The following HIC1 variants were observed in gnomAD, a reference collection of about 807,000 sequenced individuals.
The protein encoded by HIC1 is hypermethylated in cancer 1 protein.
HIC1 carries 9 observed loss-of-function variants against 26.4 expected under a neutral mutation model. The ratio of observed to expected loss-of-function variants is 0.34; its 90% CI spans 0.21 to 0.59. HIC1 has a LOEUF of 0.59. HIC1 is among the 20% of genes least tolerant of loss of function. The probability of loss-of-function intolerance (pLI) is 0.82; values close to 1 mark genes in which losing one functional copy is unlikely to be tolerated. For missense variants in HIC1, 965 were observed against 1,075.7 expected, an observed-to-expected ratio of 0.90 and a Z score of 1.44; for synonymous variants, 631 against 523.1, an observed-to-expected ratio of 1.21 and a Z score of -2.81.
Position 2,061,436 on chromosome 17 carries a change from C to T in HIC1, c.*2601C>T, listed in dbSNP as rs550810571. ...TGGGCATCTTCCGTGCTACACTGGG[C>T]GCCTGGTGGCCTTTCAGGAACGGTT... On this transcript the variant is annotated 3_prime_UTR_variant, in exon 2 of 2. Coordinates refer to ENST00000619757, the MANE Select transcript of HIC1 (RefSeq NM_006497.4). 3.0e-3 allele frequency: 4,544 copies of T among 1,516,544 alleles called. 12 individuals are homozygous for T. Among genetic ancestry groups the T allele is most frequent in the Non-Finnish European group, 3.6e-3 (4,113 of 1,130,274 alleles). 93.9% of individuals were successfully genotyped at this position (1,516,544 alleles called of 1,614,324 possible). A position where few individuals can be genotyped will look rare whatever the true frequency, so the allele number is the denominator to read the frequency against.
In HIC1 at chr17:2,061,570, G is replaced by A; in HGVS notation, c.*2735G>A. 1 of 1,573,042 alleles carries A rather than the reference G, an allele frequency of 6.4e-7. No homozygotes were observed. Among genetic ancestry groups the A allele is most frequent in the Non-Finnish European group, 8.6e-7 (1 of 1,158,882 alleles). On this transcript the variant is annotated 3_prime_UTR_variant, in exon 2 of 2. Coordinates refer to ENST00000619757, the MANE Select transcript of HIC1 (RefSeq NM_006497.4). ...TCCTTGTGAGCGCCTTCACACGCAG[G>A]TTCCGGTCATCCGTCAACAGCACCA...
rs867280691 is a variant in HIC1, at chr17:2,061,566, G to A, written c.*2731G>A. Reference sequence around the variant, plus strand: ...ACATTCCTTGTGAGCGCCTTCACACGCAGGTTCCGGTCATCCGTCAACAGC... The same window carrying A: ...ACATTCCTTGTGAGCGCCTTCACACACAGGTTCCGGTCATCCGTCAACAGC... On this transcript the variant is annotated 3_prime_UTR_variant, in exon 2 of 2. Transcript: ENST00000619757. The A allele has an allele frequency of 1.7e-5, 26 of 1,572,300 alleles. No individual in the cohort carries two copies. Among genetic ancestry groups the A allele is most frequent in the South Asian group, 4.7e-5 (4 of 85,804 alleles).
chr17:2,056,642 T>TG, intron 1 of HIC1, 29 bp from the exon 2 acceptor site: 1 of 1,507,546 alleles, frequency 6.6e-7, no homozygotes. Flanking sequence ...GCCGCACGGC[T>TG]CTCACCCGGC....
rs559570195 is a variant in HIC1 at position 2,060,449 on chromosome 17, C to T, written c.*1614C>T. On this transcript the variant is annotated 3_prime_UTR_variant, in exon 2 of 2. Coordinates refer to ENST00000619757, the MANE Select transcript of HIC1 (RefSeq NM_006497.4). Reference sequence around the variant, plus strand: ...TGGAAGTTTCTCCCAGCACAGGAGCCGAGGGTGGAAGGCCCTGGGTGGGAG... The same window carrying T: ...TGGAAGTTTCTCCCAGCACAGGAGCTGAGGGTGGAAGGCCCTGGGTGGGAG... 5.9e-5 allele frequency: 9 copies of T among 152,362 alleles called. No individual in the cohort carries two copies. The highest frequency in any genetic ancestry group is 2.1e-4 in the South Asian group (1 of 4,828). The allele number at this position is 152,362 out of a possible 1,614,324, so 9.4% of individuals were successfully genotyped here. A position where few individuals can be genotyped will look rare whatever the true frequency, so the allele number is the denominator to read the frequency against.
Position 2,057,906 on chromosome 17 carries a change from G to A in HIC1, c.1216G>A (p.Ala406Thr), listed in dbSNP as rs1379359210. The A allele has an allele frequency of 6.2e-7, 1 of 1,607,172 alleles. No homozygotes were observed. The highest frequency in any genetic ancestry group is 1.7e-5 in the Admixed American group (1 of 59,406). ...CGAGGGCTACCCATGCCCGCACCTG[G>A]CCTATGGCGAGCCCGAGAGCTTCGG... is the stretch of plus-strand genomic sequence containing the variant. ...HLEGYPCPHLAYGEPESFGDN... is the reference protein window; with the variant it reads ...HLEGYPCPHLTYGEPESFGDN... Residue 406 changes from alanine to threonine, a missense_variant, in exon 2 of 2, where the codon GCC becomes ACC. Ala to Thr is a moderately conservative substitution (Grantham distance 58). Around this residue, in one of 6 missense-constraint regions of HIC1, gnomAD observed 526 missense variants for 525.0 expected, o/e 1.00. Transcript: ENST00000619757.
Position 2,058,704 on chromosome 17 carries a change from C to A in HIC1, c.2014C>A (p.Leu672Ile). The A allele has an allele frequency of 1.3e-6, 2 of 1,542,470 alleles. No homozygotes were observed. Among genetic ancestry groups the A allele is most frequent in the South Asian group, 1.2e-5 (1 of 83,292 alleles). ...LHDPKVALES[L>I]YPLAKFTAEL... is the part of the protein sequence containing the mutation. ...CGACCCCAAGGTGGCGCTGGAGAGC[C>A]TCTACCCGCTGGCCAAGTTCACGGC... The change falls in exon 2 of 2, where the codon CTC becomes ATC. Residue 672 changes from leucine (L) to isoleucine (I), a missense_variant. Transcript: ENST00000619757.
intron 1 of HIC1, chr17:2,056,213 G>GT: frequency 5.6e-6 from 6 of 1,076,926 alleles, no homozygotes; most frequent in Non-Finnish European, 8.7e-6. Flanking sequence ...CCCCTCCTCC[G>GT]TATCACTTCC....
chr17:2,057,830 C>A lies in HIC1; in HGVS notation c.1140C>A (p.Ser380Arg). The A allele has an allele frequency of 6.3e-7, 1 of 1,576,094 alleles. No homozygotes were observed. Among genetic ancestry groups the A allele is most frequent in the Non-Finnish European group, 8.6e-7 (1 of 1,163,216 alleles). The stretch of plus-strand genomic sequence containing the variant: ...GCGACGGCGACGACTACAAGAGCAG[C>A]AGCGAGGAGACCGGTAGCAGCGAGG... Reference protein sequence around the residue: ...AGGDGDDYKSSSEETGSSEDP... With the variant: ...AGGDGDDYKSRSEETGSSEDP... The change falls in exon 2 of 2, where the codon AGC becomes AGA. Residue 380 changes from serine to arginine, a missense_variant. Ser to Arg is a moderately radical substitution (Grantham distance 110, BLOSUM62 -1). Transcript: ENST00000619757.
chr17:2,058,369 C>T lies in HIC1; in HGVS notation c.1679C>T (p.Thr560Met). ...CGGTTCACGCGCCAGTACCGCCTCA[C>T]GGAGCACATGCGCATCCACTCGGGC... ...GMRFTRQYRL[T>M]EHMRIHSGEK... is the part of the protein sequence containing the mutation. The change falls in exon 2 of 2, where the codon ACG becomes ATG. Residue 560 changes from threonine to methionine, a missense_variant. By Grantham distance (81) the Thr-to-Met change is moderately conservative. Transcript: ENST00000619757. 6.2e-7 allele frequency: 1 copy of T among 1,610,742 alleles called. No homozygotes were observed. Among genetic ancestry groups the T allele is most frequent in the Middle Eastern group, 1.7e-4 (1 of 6,054 alleles).
At position 2,062,529 on chromosome 17, in the gene HIC1, CACT is replaced by C. The variant is rs1289914339; in HGVS notation, c.*3697_*3699del. ...TTTTTTTTTTTAAGCACAGTCTCTC[CACT>C]ACCTCTCTTTCCCTAACTCCCTAAT... On this transcript the variant is annotated 3_prime_UTR_variant, in exon 2 of 2. Transcript: ENST00000619757. 6.6e-6 allele frequency: 1 copy of C among 151,676 alleles called. No homozygotes were observed. Among genetic ancestry groups the C allele is most frequent in the Non-Finnish European group, 1.5e-5 (1 of 67,984 alleles). The allele number at this position is 151,676 out of a possible 1,614,324, so 9.4% of individuals were successfully genotyped here.
chr17:2,057,800 G>A lies in HIC1; in HGVS notation c.1110G>A (p.Ala370=), dbSNP rs774865904. The A allele has an allele frequency of 5.8e-6, 9 of 1,541,402 alleles. No individual in the cohort carries two copies. The East Asian group carries it at 1.7e-4, about 30-fold the overall frequency. Residue 370 remains alanine (A), a synonymous_variant, in exon 2 of 2, where the codon GCG becomes GCA. Coordinates refer to ENST00000619757, the MANE Select transcript of HIC1 (RefSeq NM_006497.4). ...RYPGSLDGPG[A]GGDGDDYKSS... is the part of the protein sequence containing the mutation. Reference sequence around the variant, plus strand: ...CTGGCAGCCTGGACGGGCCCGGCGCGGGCGGCGACGGCGACGACTACAAGA... The same window carrying A: ...CTGGCAGCCTGGACGGGCCCGGCGCAGGCGGCGACGGCGACGACTACAAGA...
rs1400206993 is a variant in HIC1, at chr17:2,056,700, A to C, written c.10A>C (p.Thr4Pro). 3 of 1,599,698 alleles carry C rather than the reference A, an allele frequency of 1.9e-6. No homozygotes were observed. Among genetic ancestry groups the C allele is most frequent in the Admixed American group, 1.7e-5 (1 of 58,970 alleles). MLD[T>P]MEAPGHSRQL... ...GTGTGCTGGGCAGACGATGCTGGAC[A>C]CGATGGAGGCGCCCGGCCACTCCAG... is the stretch of plus-strand genomic sequence containing the variant. The change falls in exon 2 of 2, where the codon ACG (threonine) becomes CCG (proline). Residue 4 changes from threonine (T) to proline (P), a missense_variant. This residue lies in a region of HIC1 where 64 missense variants were observed against 114.0 expected (regional missense o/e 0.56). Coordinates refer to ENST00000619757, the MANE Select transcript of HIC1 (RefSeq NM_006497.4).
rs1419495471 is a variant in HIC1, at chr17:2,057,671, C to T, written c.981C>T (p.Gly327=). 1 of 1,507,624 alleles carries T rather than the reference C, an allele frequency of 6.6e-7. No individual in the cohort carries two copies. The highest frequency in any genetic ancestry group is 8.8e-7 in the Non-Finnish European group (1 of 1,135,578). 93.4% of individuals were successfully genotyped at this position (1,507,624 alleles called of 1,614,324 possible). ...PGLGSYGDEL[G]RERGSPSERC... ...TGGGTAGCTATGGCGACGAGCTGGG[C>T]CGGGAGCGCGGCTCCCCCAGCGAGC... The change falls in exon 2 of 2, where the codon GGC becomes GGT. Residue 327 remains glycine (G), a synonymous_variant. Transcript: ENST00000619757.
chr17:2,057,236 G>C lies in HIC1; in HGVS notation c.546G>C (p.Ala182=), dbSNP rs2067680723. The change falls in exon 2 of 2, where the codon GCG becomes GCC. Residue 182 remains alanine (A), a synonymous_variant. Transcript: ENST00000619757. The part of the protein sequence containing the change: ...SPVGPPPPPA[A]EPPSGPEAAV... ...TCGGGCCTCCGCCGCCGCCTGCCGC[G>C]GAGCCGCCCTCGGGCCCAGAGGCCG... is the stretch of plus-strand genomic sequence containing the variant. 2 of 1,422,108 alleles carry C rather than the reference G, an allele frequency of 1.4e-6. No homozygotes were observed. The highest frequency in any genetic ancestry group is 3.0e-5 in the African/African-American group (2 of 66,418). The allele number at this position is 1,422,108 out of a possible 1,614,324, so 88.1% of individuals were successfully genotyped here. A position where few individuals can be genotyped will look rare whatever the true frequency, so the allele number is the denominator to read the frequency against.
At chr17:2,056,370 T>C (rs1472794390) in intron 1 of HIC1, 1 of 1,609,906 alleles carries the variant, frequency 6.2e-7, no homozygotes, top group Non-Finnish European at 8.5e-7. Flanking sequence ...AAAGGGTCAC[T>C]GCGCCTGAAC....
rs1048457829 is a variant in HIC1 at position 2,057,116 on chromosome 17, C to A, written c.426C>A (p.Gly142=). Reference sequence around the variant, plus strand: ...GCAAGTACTGCCACCTGCGGGGCGGCGGCGGCGGCGGCGGCGGCTACGCGC... The same window carrying A: ...GCAAGTACTGCCACCTGCGGGGCGGAGGCGGCGGCGGCGGCGGCTACGCGC... ...RHGKYCHLRG[G]GGGGGGYAPY... The change falls in exon 2 of 2, where the codon GGC becomes GGA. Residue 142 remains glycine (G), a synonymous_variant. Coordinates refer to ENST00000619757, the MANE Select transcript of HIC1 (RefSeq NM_006497.4). 1.8e-5 allele frequency: 24 copies of A among 1,307,564 alleles called. No homozygotes were observed. The African/African-American group carries it at 3.3e-4, about 18-fold the overall frequency. The allele number at this position is 1,307,564 out of a possible 1,614,324, so 81.0% of individuals were successfully genotyped here.
At position 2,058,776 on chromosome 17, in the gene HIC1, G is replaced by A. The variant is rs756799893; in HGVS notation, c.2086G>A (p.Gly696Ser). The A allele has an allele frequency of 1.5e-5, 23 of 1,514,470 alleles. No homozygotes were observed. The highest frequency in any genetic ancestry group is 1.1e-4 in the African/African-American group (8 of 69,650). The allele number at this position is 1,514,470 out of a possible 1,614,324, so 93.8% of individuals were successfully genotyped here. Residue 696 changes from glycine to serine, a missense_variant, in exon 2 of 2, where the codon GGC becomes AGC. Physicochemically the swap from Gly to Ser is moderately conservative, Grantham distance 56. This residue lies in a region of HIC1 where 210 missense variants were observed against 179.2 expected (regional missense o/e 1.17). Transcript: ENST00000619757. Reference protein sequence around the residue: ...PDKAAEVLSQGAHLAAGPDGR... With the variant: ...PDKAAEVLSQSAHLAAGPDGR... ...CAAGGCGGCCGAGGTGCTGAGCCAG[G>A]GCGCTCACCTGGCGGCCGGGCCCGA...
chr17:2,056,187 G>C lies in HIC1; in HGVS notation c.-20-484G>C, dbSNP rs1428452513. 1.3e-5 allele frequency: 11 copies of C among 860,952 alleles called. No homozygotes were observed. In the Admixed American group the frequency reaches 1.5e-4, roughly 12 times the overall value. 53.3% of individuals were successfully genotyped at this position (860,952 alleles called of 1,614,324 possible). On this transcript the variant is annotated intron_variant, in intron 1 of 1. Transcript: ENST00000619757. ...ACAGCCCCCGGCCAGGGCGGCGCCAGGGCGGGCACCGCGCTCCCCTCCTCC... is the reference window on the plus strand; with the variant it reads ...ACAGCCCCCGGCCAGGGCGGCGCCACGGCGGGCACCGCGCTCCCCTCCTCC...
Position 2,057,681 on chromosome 17 carries a change from G to A in HIC1, c.991G>A (p.Gly331Ser). ...SYGDELGRERGSPSERCEERG... is the reference protein window; with the variant it reads ...SYGDELGRERSSPSERCEERG... ...TGGCGACGAGCTGGGCCGGGAGCGCGGCTCCCCCAGCGAGCGCTGCGAAGA... is the reference window on the plus strand; with the variant it reads ...TGGCGACGAGCTGGGCCGGGAGCGCAGCTCCCCCAGCGAGCGCTGCGAAGA... The change falls in exon 2 of 2, where the codon GGC (glycine) becomes AGC (serine). Residue 331 changes from glycine to serine, a missense_variant. By Grantham distance (56) the Gly-to-Ser change is moderately conservative (BLOSUM62 0). Around this residue, in one of 6 missense-constraint regions of HIC1, gnomAD observed 526 missense variants for 525.0 expected, o/e 1.00. Coordinates refer to ENST00000619757, the MANE Select transcript of HIC1 (RefSeq NM_006497.4). 3 of 1,495,582 alleles carry A rather than the reference G, an allele frequency of 2.0e-6. No homozygotes were observed. The highest frequency in any genetic ancestry group is 2.7e-6 in the Non-Finnish European group (3 of 1,129,672). The allele number at this position is 1,495,582 out of a possible 1,614,324, so 92.6% of individuals were successfully genotyped here.
Sources: allele counts gnomAD v4.1 joint callset, GRCh38; gene constraint gnomAD v4.1.1; regional missense constraint gnomAD v4.1.1; transcripts MANE v1.5; gene names NCBI Gene and HGNC (gene_info 2026-07-23, HGNC 2026-07-21).